Variants in NCAM2 observed in about 807,000 individuals in gnomAD.
The protein encoded by NCAM2 is neural cell adhesion molecule 2.
A neutral mutation model predicts 98.1 loss-of-function variants in NCAM2; 30 were observed. The observed-to-expected ratio is 0.31, with a 90% CI of 0.23 to 0.41. NCAM2 has a LOEUF of 0.41. Ranked by LOEUF, NCAM2 falls within the 10% of genes least tolerant of loss-of-function variation. The pLI is 1.00. For synonymous variants in NCAM2, 368 were observed against 342.4 expected (o/e 1.07, Z -0.83); for missense variants, 867 against 1,005.8 (o/e 0.86, Z 1.87).
chr21:21,161,322 TTTTA>T (rs952536358), intron 1 of NCAM2, among the ~76,000 whole-genome samples: 224 of 152,076 alleles, frequency 1.5e-3, no homozygotes, highest in Non-Finnish European at 2.5e-3. Flanking sequence ...ATTTGGTGCA[TTTTA>T]TTTATTTATT....
At chr21:21,321,184 A>G (rs570479372) in intron 5 of NCAM2, among the ~76,000 whole-genome samples, 1 of 152,268 alleles carries the variant, frequency 6.6e-6, no homozygotes, top group South Asian at 2.1e-4. Flanking sequence ...GCATTTTTTC[A>G]TATGTTTGCT....
chr21:21,334,511 A>G (rs1042735802), intron 6 of NCAM2, among the ~76,000 whole-genome samples: 5 of 152,112 alleles, frequency 3.3e-5, no homozygotes, highest in Non-Finnish European at 4.4e-5. Context: ...TTAAATTTAC[A>G]ATTGTATGGA....
rs1018660338 is a variant in NCAM2, at chr21:21,448,305, A to G, written c.1654+16024A>G. ...AACTGACACAGGAACAGAAAACCAA[A>G]CACCTCATTTCTTACTCATAAGTGG... On this transcript the variant is annotated intron_variant, in intron 12 of 17. Coordinates refer to ENST00000400546, the MANE Select transcript of NCAM2 (RefSeq NM_004540.5). Among the ~76,000 whole-genome samples the G allele has an allele frequency of 3.3e-5, 5 of 152,082 alleles. No homozygotes were observed. In the East Asian group the frequency reaches 5.8e-4, roughly 18 times the overall value.
chr21:21,467,406 A>G (rs1983837076), intron 13 of NCAM2, among the ~76,000 whole-genome samples: 2 of 84,482 alleles, frequency 2.4e-5, no homozygotes, highest in Admixed American at 1.2e-4. Context: ...ATATCGTTGT[A>G]TATGTGTATA....
chr21:21,418,440 GA>G, intron 10 of NCAM2, 32 bp from the exon 11 acceptor site: 1 of 1,485,532 alleles, frequency 6.7e-7, no homozygotes, highest in South Asian at 1.1e-5. Flanking sequence ...TGATGTTTTA[GA>G]ATTGTAACAT....
At chr21:21,136,676 C>T (rs1329072114) in intron 1 of NCAM2, among the ~76,000 whole-genome samples, 3 of 135,422 alleles carry the variant, frequency 2.2e-5, no homozygotes, top group East Asian at 2.1e-4. Flanking sequence ...CCGTTCTGCC[C>T]AGGCTGGTCT....
rs538690153 is a variant in NCAM2, at chr21:21,451,584, C to T, written c.1655-15022C>T. ...TAAAGCACAGTCTTAATTGTTACTA[C>T]TTCTTTCTCCCACCCTTTAAATTAA... On this transcript the variant is annotated intron_variant, in intron 12 of 17. Transcript: ENST00000400546. Among the ~76,000 whole-genome samples, 16 of 152,240 alleles carry T rather than the reference C, an allele frequency of 1.1e-4. No individual in the cohort carries two copies. In the South Asian group the frequency reaches 3.3e-3, roughly 32 times the overall value.
intron 1 of NCAM2, among the ~76,000 whole-genome samples, chr21:21,065,443 A>G (rs1018925529): frequency 6.6e-6 from 1 of 152,140 alleles, no homozygotes; most frequent in Non-Finnish European, 1.5e-5. Context: ...AACAAAAACA[A>G]CAAATACTTT....
intron 6 of NCAM2, among the ~76,000 whole-genome samples, chr21:21,332,909 A>G (rs933239086): frequency 6.6e-6 from 1 of 152,210 alleles, no homozygotes; most frequent in African/African-American, 2.4e-5. Flanking sequence ...AATTGGGAGC[A>G]TATAGTTTAT....
At chr21:21,081,965 C>T (rs1299060777) in intron 1 of NCAM2, among the ~76,000 whole-genome samples, 2 of 150,270 alleles carry the variant, frequency 1.3e-5, no homozygotes, top group Non-Finnish European at 3.0e-5. Context: ...GGGCCGGGCG[C>T]GGTGGCTCAC....
intron 12 of NCAM2, among the ~76,000 whole-genome samples, chr21:21,434,563 A>G (rs915202692): frequency 3.9e-5 from 6 of 152,200 alleles, no homozygotes; most frequent in African/African-American, 1.4e-4. Context: ...CAGTATAAAC[A>G]TGAATTTTAA....
rs1165049177 is a variant in NCAM2, at chr21:21,528,595, G to A, written c.2283-5942G>A. On this transcript the variant is annotated intron_variant, in intron 16 of 17. Transcript: ENST00000400546. ...CATCATAGCAGAATGTTTTCCTGAT[G>A]TTAAAAAATTACAATGTATATGGTT... 2.0e-5 allele frequency among the ~76,000 whole-genome samples: 3 copies of A among 152,106 alleles called. No individual in the cohort carries two copies. In the East Asian group the frequency reaches 5.8e-4, roughly 29 times the overall value.
intron 1 of NCAM2, chr21:21,210,666 G>T (rs1414431763): frequency 7.8e-7 from 1 of 1,276,714 alleles, no homozygotes; most frequent in Non-Finnish European, 1.0e-6. Context: ...TTGAAGAAGG[G>T]CAACCAGAGA....
chr21:21,363,842 G>A (rs572399855), intron 8 of NCAM2, among the ~76,000 whole-genome samples: 33 of 152,086 alleles, frequency 2.2e-4, no homozygotes, highest in Non-Finnish European at 4.0e-4. Flanking sequence ...TGCTTAAAAA[G>A]CGTAACATTT....
At chr21:21,177,472 G>C (rs1438839087) in intron 1 of NCAM2, among the ~76,000 whole-genome samples, 1 of 151,920 alleles carries the variant, frequency 6.6e-6, no homozygotes, top group African/African-American at 2.4e-5. Flanking sequence ...ATTACCAAAT[G>C]CACCTGAAAT....
At chr21:21,289,584 A>G (rs897241151) in intron 4 of NCAM2, among the ~76,000 whole-genome samples, 17 of 151,924 alleles carry the variant, frequency 1.1e-4, no homozygotes, top group East Asian at 3.9e-4. Context: ...ATGAAAGCAT[A>G]TTTCTGAAAC....
chr21:21,491,712 TATTTA>T, intron 15 of NCAM2, among the ~76,000 whole-genome samples: 1 of 151,748 alleles, frequency 6.6e-6, no homozygotes, highest in South Asian at 2.1e-4. Flanking sequence ...TTTTGGAGCA[TATTTA>T]ATTTCTCTTA....
intron 1 of NCAM2, among the ~76,000 whole-genome samples, chr21:21,129,603 A>G (rs1431332840): frequency 6.6e-6 from 1 of 152,098 alleles, no homozygotes; most frequent in Non-Finnish European, 1.5e-5. Context: ...GCGTCTGGTG[A>G]GGGCTGGCGA....
intron 1 of NCAM2, among the ~76,000 whole-genome samples, chr21:21,178,164 A>G (rs2146891454): frequency 6.6e-6 from 1 of 152,274 alleles, no homozygotes; most frequent in South Asian, 2.1e-4. Flanking sequence ...TCTTCTTACA[A>G]TGAAAAACAT....
Sources: gnomAD v4.1 joint callset for allele counts (sites outside exome capture counted in the v4.1 genomes callset) on GRCh38, gnomAD v4.1.1 for gene constraint, MANE v1.5 for transcripts, NCBI Gene and HGNC (gene_info 2026-07-23, HGNC 2026-07-21) for gene names.